The following PLXDC2 variants were observed in gnomAD, a reference collection of about 807,000 sequenced individuals.
PLXDC2 encodes plexin domain-containing protein 2.
A neutral mutation model predicts 68.9 loss-of-function variants in PLXDC2; 40 were observed. The observed-to-expected ratio is 0.58, with a 90% CI of 0.45 to 0.76. The LOEUF is 0.76. Among genes scored for constraint, PLXDC2 ranks in the 30% least tolerant of loss-of-function variants. The probability of loss-of-function intolerance (pLI) is 0.00; values close to 1 mark genes in which losing one functional copy is unlikely to be tolerated. For missense variants in PLXDC2, 644 were observed against 661.9 expected (o/e 0.97, Z 0.30); for synonymous variants, 243 against 234.2 (o/e 1.04, Z -0.34).
intron 9 of PLXDC2, among the ~76,000 whole-genome samples, chr10:20,184,170 T>A (rs1249343685): frequency 6.6e-6 from 1 of 151,778 alleles, no homozygotes; most frequent in Non-Finnish European, 1.5e-5. Flanking sequence ...TCAACTTTGT[T>A]ATTTCTACTG....
chr10:19,868,478 A>G (rs1837463382), intron 1 of PLXDC2, among the ~76,000 whole-genome samples: 1 of 152,202 alleles, frequency 6.6e-6, no homozygotes, highest in African/African-American at 2.4e-5. Flanking sequence ...AATAGCAACC[A>G]ATGTCTTGCA....
chr10:20,160,600 T>C (rs1024315552), intron 6 of PLXDC2, among the ~76,000 whole-genome samples: 1 of 152,178 alleles, frequency 6.6e-6, no homozygotes, highest in African/African-American at 2.4e-5. Flanking sequence ...TTTTCAGTGA[T>C]AGAAAACTCA....
intron 1 of PLXDC2, among the ~76,000 whole-genome samples, chr10:19,982,771 C>T (rs1206684462): frequency 6.6e-6 from 1 of 151,902 alleles, no homozygotes; most frequent in Non-Finnish European, 1.5e-5. Flanking sequence ...TTGGTGGATA[C>T]ACAATATAGG....
chr10:20,177,690 A>G (rs1278049360), intron 9 of PLXDC2, among the ~76,000 whole-genome samples: 1 of 152,040 alleles, frequency 6.6e-6, no homozygotes, highest in Non-Finnish European at 1.5e-5. Context: ...GGATCACTTG[A>G]GCCTAGGAGT....
chr10:20,158,309 C>T (rs1355715029), intron 6 of PLXDC2, among the ~76,000 whole-genome samples: 5 of 152,064 alleles, frequency 3.3e-5, no homozygotes, highest in South Asian at 4.2e-4. Flanking sequence ...CTATAAAATA[C>T]GTGATCATGA....
intron 1 of PLXDC2, among the ~76,000 whole-genome samples, chr10:19,911,082 C>A (rs1266081089): frequency 6.6e-6 from 1 of 151,646 alleles, no homozygotes; most frequent in Non-Finnish European, 1.5e-5. Flanking sequence ...AAAGTTTGGA[C>A]CTTCTCGGGG....
chr10:20,259,990 A>G (rs1835789298), intron 13 of PLXDC2, among the ~76,000 whole-genome samples: 2 of 152,244 alleles, frequency 1.3e-5, no homozygotes, highest in African/African-American at 2.4e-5. Flanking sequence ...GAGAAATACT[A>G]AGAAGAAAAC....
At chr10:20,123,340 T>C (rs1228532743) in intron 4 of PLXDC2, among the ~76,000 whole-genome samples, 1 of 151,668 alleles carries the variant, frequency 6.6e-6, no homozygotes, top group Non-Finnish European at 1.5e-5. Context: ...TTGGGATGAG[T>C]TGCATTGGGA....
intron 12 of PLXDC2, among the ~76,000 whole-genome samples, chr10:20,238,571 C>T (rs375891825): frequency 6.0e-5 from 9 of 149,080 alleles, no homozygotes; most frequent in East Asian, 3.9e-4. Flanking sequence ...TACCTGAATC[C>T]GGGAGGCAGA....
At chr10:19,921,793 A>G (rs1833465357) in intron 1 of PLXDC2, among the ~76,000 whole-genome samples, 1 of 152,236 alleles carries the variant, frequency 6.6e-6, no homozygotes, top group Non-Finnish European at 1.5e-5. Flanking sequence ...TCCATGTGCC[A>G]AGCCCAGTGT....
At chr10:19,905,823 C>T (rs972071641) in intron 1 of PLXDC2, among the ~76,000 whole-genome samples, 1 of 152,034 alleles carries the variant, frequency 6.6e-6, no homozygotes, top group Non-Finnish European at 1.5e-5. Flanking sequence ...TGCAAAATAC[C>T]ATGATTTTAG....
At chr10:20,236,431 C>T (rs1386988155) in intron 12 of PLXDC2, among the ~76,000 whole-genome samples, 2 of 151,810 alleles carry the variant, frequency 1.3e-5, no homozygotes, top group East Asian at 3.9e-4. Flanking sequence ...GGCCACAGAG[C>T]GAGACTCCGT....
chr10:19,950,272 T>G (rs1459326668), intron 1 of PLXDC2, among the ~76,000 whole-genome samples: 1 of 152,180 alleles, frequency 6.6e-6, no homozygotes, highest in Non-Finnish European at 1.5e-5. Context: ...CCCTAAAGAC[T>G]CTACCAAAAG....
intron 2 of PLXDC2, among the ~76,000 whole-genome samples, chr10:20,044,705 C>T (rs1013531639): frequency 6.6e-6 from 1 of 152,102 alleles, no homozygotes; most frequent in African/African-American, 2.4e-5. Flanking sequence ...CTCACACCCC[C>T]ACATCTCCAC....
At chr10:20,174,879 G>A (rs1051762076) in intron 7 of PLXDC2, among the ~76,000 whole-genome samples, 1 of 152,106 alleles carries the variant, frequency 6.6e-6, no homozygotes, top group Non-Finnish European at 1.5e-5. Flanking sequence ...TCTCGGATGA[G>A]TAGGTATCTT....
chr10:20,000,466 G>T (rs1379907693), intron 1 of PLXDC2, among the ~76,000 whole-genome samples: 1 of 151,298 alleles, frequency 6.6e-6, no homozygotes, highest in Non-Finnish European at 1.5e-5. Context: ...GTTTCTCTCT[G>T]GTATGAGACA....
intron 1 of PLXDC2, among the ~76,000 whole-genome samples, chr10:19,904,350 G>A (rs1193502234): frequency 6.6e-6 from 1 of 151,982 alleles, no homozygotes; most frequent in Non-Finnish European, 1.5e-5. Context: ...ATTACTACTA[G>A]ATTATGGTTG....
At chr10:19,831,665 T>C (rs1265169037) in intron 1 of PLXDC2, among the ~76,000 whole-genome samples, 2 of 152,194 alleles carry the variant, frequency 1.3e-5, no homozygotes, top group Non-Finnish European at 2.9e-5. Flanking sequence ...CTCCCACTTA[T>C]AAGTAAGAAC....
chr10:20,110,485 A>G (rs1833545036), intron 4 of PLXDC2, among the ~76,000 whole-genome samples: 1 of 152,142 alleles, frequency 6.6e-6, no homozygotes, highest in African/African-American at 2.4e-5. Context: ...TAGTATTTAT[A>G]CTGTGGAATC....
Sources: allele counts gnomAD v4.1 joint callset (sites outside exome capture counted in the v4.1 genomes callset), GRCh38; gene constraint gnomAD v4.1.1; transcripts MANE v1.5; gene names NCBI Gene and HGNC (gene_info 2026-07-23, HGNC 2026-07-21).